The following PKHD1L1 variants were observed in gnomAD, a reference collection of about 807,000 sequenced individuals.
PKHD1L1 encodes the protein PKHD1 like 1.
Under a neutral mutation model 462.9 loss-of-function variants are expected in PKHD1L1, and 434 were observed. That is an observed-to-expected ratio of 0.94 (90% CI 0.87 to 1.02). PKHD1L1 has a LOEUF of 1.02. Among genes scored for constraint, PKHD1L1 ranks in the 50% least tolerant of loss-of-function variants. PKHD1L1 has a pLI of 0.00. For missense variants in PKHD1L1, 5,202 were observed against 5,096.1 expected (o/e 1.02, Z -0.63); for synonymous variants, 1,781 against 1,750.0 (o/e 1.02, Z -0.44).
At chr8:109,452,024 AT>A (rs149400770) in intron 41 of PKHD1L1, 99 bp from the exon 42 acceptor site, 13,866 of 930,912 alleles carry the variant, frequency 0.015, 5 homozygotes, top group South Asian at 0.022. Flanking sequence ...GAATCAGGTC[AT>A]TTTTTTTTTG....
In PKHD1L1 at chr8:109,466,783, A is replaced by G. The variant is rs371396661; in HGVS notation, c.8605+14A>G. On this transcript the variant is annotated intron_variant, in intron 50 of 77. Transcript: ENST00000378402. ...CAGACTCTTTTGGTAAGTGGAATAT[A>G]TTAGTTTAAACAACTAATTTAAATA... 2.2e-5 allele frequency: 35 copies of G among 1,589,246 alleles called. No homozygotes were observed. Among genetic ancestry groups the G allele is most frequent in the Middle Eastern group, 3.3e-4 (2 of 6,030 alleles).
At chr8:109,447,890 A>C (rs1251862235) in intron 38 of PKHD1L1, among the ~76,000 whole-genome samples, 1 of 152,150 alleles carries the variant, frequency 6.6e-6, no homozygotes, top group Non-Finnish European at 1.5e-5. Context: ...ATAACTTACA[A>C]CTCAGTAGAA....
At chr8:109,365,109 G>C (rs76336427) in intron 2 of PKHD1L1, among the ~76,000 whole-genome samples, 4,258 of 152,238 alleles carry the variant, frequency 0.028, 95 homozygotes, top group Non-Finnish European at 0.042. Flanking sequence ...CTTCATAAAG[G>C]CATGAGTACC....
At chr8:109,511,493 T>A (rs1819979931) in intron 71 of PKHD1L1, among the ~76,000 whole-genome samples, 1 of 151,628 alleles carries the variant, frequency 6.6e-6, no homozygotes. Context: ...TGATTTCCAA[T>A]TTCATCCATG....
intron 51 of PKHD1L1, 147 bp downstream of exon 51, chr8:109,475,416 C>G: frequency 1.4e-6 from 1 of 724,118 alleles, no homozygotes; most frequent in South Asian, 2.4e-5. Context: ...TTGTGAGCCA[C>G]TCTGAATCTA....
chr8:109,507,019 T>C (rs1218258290), intron 68 of PKHD1L1, among the ~76,000 whole-genome samples: 2 of 152,140 alleles, frequency 1.3e-5, no homozygotes, highest in African/African-American at 4.8e-5. Context: ...ATCTTACCTC[T>C]TACTTTTATC....
At chr8:109,525,321 G>C (rs890068061) in intron 76 of PKHD1L1, among the ~76,000 whole-genome samples, 3 of 152,196 alleles carry the variant, frequency 2.0e-5, no homozygotes, top group African/African-American at 7.2e-5. Flanking sequence ...CCTAGATAAG[G>C]AGAATATTAC....
intron 21 of PKHD1L1, among the ~76,000 whole-genome samples, chr8:109,418,538 A>G (rs1475515915): frequency 6.6e-6 from 1 of 152,246 alleles, no homozygotes; most frequent in Non-Finnish European, 1.5e-5. Context: ...CAATGCAGTT[A>G]TGATTTAATG....
intron 68 of PKHD1L1, among the ~76,000 whole-genome samples, chr8:109,506,305 G>A (rs1379367): frequency 0.34 from 52,000 of 151,836 alleles, 9,226 homozygotes; most frequent in South Asian, 0.52. Flanking sequence ...AGAACTAGCC[G>A]TAGGAGTCCA....
At chr8:109,436,771 G>A (rs573280025) in intron 30 of PKHD1L1, among the ~76,000 whole-genome samples, 1 of 152,232 alleles carries the variant, frequency 6.6e-6, no homozygotes, top group East Asian at 1.9e-4. Context: ...GAGAGAGGGT[G>A]TCAGAAACAG....
intron 63 of PKHD1L1, among the ~76,000 whole-genome samples, 160 bp downstream of exon 63, chr8:109,493,911 TA>T (rs1369968912): frequency 1.3e-5 from 2 of 151,836 alleles, no homozygotes; most frequent in South Asian, 2.1e-4. Flanking sequence ...ACATTGGATC[TA>T]AAAAAATAAA....
At chr8:109,459,318 A>G (rs1438962563) in intron 46 of PKHD1L1, among the ~76,000 whole-genome samples, 2 of 152,180 alleles carry the variant, frequency 1.3e-5, no homozygotes, top group East Asian at 3.8e-4. Flanking sequence ...TCCAAGTTAT[A>G]AATGAATAGT....
At chr8:109,418,593 C>A (rs1814304608) in intron 21 of PKHD1L1, among the ~76,000 whole-genome samples, 1 of 152,086 alleles carries the variant, frequency 6.6e-6, no homozygotes, top group East Asian at 1.9e-4. Context: ...ACTGTGCAAC[C>A]ATTTATATCT....
intron 57 of PKHD1L1, 58 bp downstream of exon 57, chr8:109,483,163 AG>A (rs1818355967): frequency 4.8e-6 from 6 of 1,261,198 alleles, no homozygotes; most frequent in Middle Eastern, 1.9e-4. Context: ...AGCTGAAAAA[AG>A]TTTCTATTCT....
In PKHD1L1 at chr8:109,381,227, C is replaced by T. The variant is rs917539243; in HGVS notation, c.164-143C>T. On this transcript the variant is annotated intron_variant, in intron 2 of 77. Coordinates refer to ENST00000378402, the MANE Select transcript of PKHD1L1 (RefSeq NM_177531.6). ...TTGTGCTTCCAAAGAAGATTACAAT[C>T]ATAAGGATAAATATGAAATAGGTTC... 29 of 739,126 alleles carry T rather than the reference C, an allele frequency of 3.9e-5. No individual in the cohort carries two copies. The East Asian group carries it at 8.1e-4, about 21-fold the overall frequency. 45.8% of individuals were successfully genotyped at this position (739,126 alleles called of 1,614,324 possible). A position where few individuals can be genotyped will look rare whatever the true frequency, so the allele number is the denominator to read the frequency against.
intron 77 of PKHD1L1, among the ~76,000 whole-genome samples, chr8:109,529,796 A>G (rs1488227021): frequency 1.3e-5 from 2 of 152,100 alleles, no homozygotes. Context: ...ATAATATATT[A>G]CTTTTAAGAG....
intron 50 of PKHD1L1, among the ~76,000 whole-genome samples, chr8:109,467,097 C>T (rs748209032): frequency 5.9e-5 from 9 of 152,016 alleles, no homozygotes; most frequent in Non-Finnish European, 1.0e-4. Flanking sequence ...ATTGTCCTTG[C>T]TGATTGAGAT....
At chr8:109,383,598 A>C (rs1438621256) in intron 4 of PKHD1L1, among the ~76,000 whole-genome samples, 1 of 150,348 alleles carries the variant, frequency 6.7e-6, no homozygotes, top group Admixed American at 6.8e-5. Flanking sequence ...CAATAATGAC[A>C]TCTGTCTTCA....
At chr8:109,412,022 G>C (rs1445853699) in intron 19 of PKHD1L1, among the ~76,000 whole-genome samples, 2 of 152,084 alleles carry the variant, frequency 1.3e-5, no homozygotes, top group Non-Finnish European at 2.9e-5. Flanking sequence ...TACCCGTAAA[G>C]AGCTCACAAA....
Sources: allele counts gnomAD v4.1 joint callset (sites outside exome capture counted in the v4.1 genomes callset), GRCh38; gene constraint gnomAD v4.1.1; transcripts MANE v1.5; gene names NCBI Gene and HGNC (gene_info 2026-07-23, HGNC 2026-07-21).